Variants in CSMD1 observed in about 807,000 individuals in gnomAD.
CSMD1 encodes the protein CUB and sushi domain-containing protein 1.
CSMD1 carries 213 observed loss-of-function variants against 417.5 expected under a neutral mutation model. The observed-to-expected ratio is 0.51, with a 90% CI of 0.46 to 0.57. The LOEUF (loss-of-function observed/expected upper bound fraction) is 0.57, where lower values mean the gene tolerates loss of function less well. Among genes scored for constraint, CSMD1 ranks in the 20% least tolerant of loss-of-function variants. CSMD1 has a pLI of 0.00. For synonymous variants in CSMD1, 2,862 were observed against 1,736.8 expected (o/e 1.65, Z -16.11); for missense variants, 6,923 against 4,529.7 (o/e 1.53, Z -15.17).
intron 1 of CSMD1, among the ~76,000 whole-genome samples, chr8:4,765,464 C>T (rs1294075463): frequency 6.6e-6 from 1 of 152,138 alleles, no homozygotes. Context: ...AAATGCAGTT[C>T]AGTTCAAAAA....
At chr8:3,700,294 C>G (rs1016936385) in intron 7 of CSMD1, among the ~76,000 whole-genome samples, 1 of 152,096 alleles carries the variant, frequency 6.6e-6, no homozygotes, top group Non-Finnish European at 1.5e-5. Flanking sequence ...AGAAAATATA[C>G]CTGCCCTCAT....
In CSMD1 at chr8:3,277,115, G is replaced by A. The variant is rs954848415; in HGVS notation, c.4153+7029C>T. On this transcript the variant is annotated intron_variant, in intron 26 of 69. Coordinates refer to ENST00000635120, the MANE Select transcript of CSMD1 (RefSeq NM_033225.6). ...GGAACACACATCCAAGCTGAGAGAG[G>A]CTAGCATCTGAGTAGAGGTTTCTGT... Among the ~76,000 whole-genome samples, 4 of 152,194 alleles carry A rather than the reference G, an allele frequency of 2.6e-5. No individual in the cohort carries two copies. In the Middle Eastern group the frequency reaches 0.01, roughly 388 times the overall value.
intron 2 of CSMD1, among the ~76,000 whole-genome samples, chr8:4,455,560 C>G (rs1162729284): frequency 2.0e-5 from 3 of 152,052 alleles, no homozygotes; most frequent in African/African-American, 7.2e-5. Flanking sequence ...AGAATATGAC[C>G]TCCTGCTTGT....
At chr8:3,355,817 T>A (rs1173326285) in intron 21 of CSMD1, among the ~76,000 whole-genome samples, 1 of 152,104 alleles carries the variant, frequency 6.6e-6, no homozygotes, top group African/African-American at 2.4e-5. Flanking sequence ...GTGGGCAACT[T>A]TTTCTCTAAT....
intron 12 of CSMD1, among the ~76,000 whole-genome samples, chr8:3,426,654 T>G (rs1012754204): frequency 6.6e-6 from 1 of 152,206 alleles, no homozygotes; most frequent in African/African-American, 2.4e-5. Context: ...ATTAACTTTT[T>G]AAAAACTTGT....
At chr8:3,741,569 G>T (rs993680657) in intron 6 of CSMD1, among the ~76,000 whole-genome samples, 1 of 152,028 alleles carries the variant, frequency 6.6e-6, no homozygotes, top group Non-Finnish European at 1.5e-5. Flanking sequence ...TGCATTTTTT[G>T]ACTTCAAGAT....
At chr8:3,840,568 C>A (rs4266669) in intron 5 of CSMD1, among the ~76,000 whole-genome samples, 100 of 151,950 alleles carry the variant, frequency 6.6e-4, no homozygotes, top group African/African-American at 2.3e-3. Context: ...AGCATGCCTC[C>A]TTATTTCAAG....
chr8:4,942,535 T>C (rs1808077943), intron 1 of CSMD1, among the ~76,000 whole-genome samples: 2 of 152,260 alleles, frequency 1.3e-5, no homozygotes, highest in Admixed American at 6.5e-5. Context: ...CTCTATTAAA[T>C]AATGTACAGA....
chr8:3,546,708 G>T (rs1190501177), intron 10 of CSMD1, among the ~76,000 whole-genome samples: 1 of 152,182 alleles, frequency 6.6e-6, no homozygotes, highest in African/African-American at 2.4e-5. Flanking sequence ...TTCAATCAAT[G>T]TAGGAATTAC....
intron 5 of CSMD1, among the ~76,000 whole-genome samples, chr8:3,962,203 T>G (rs912207759): frequency 6.6e-6 from 1 of 152,138 alleles, no homozygotes; most frequent in African/African-American, 2.4e-5. Flanking sequence ...CATTCCAGAA[T>G]GGGATTGTTT....
intron 5 of CSMD1, among the ~76,000 whole-genome samples, chr8:3,777,113 T>C (rs1252782616): frequency 1.1e-5 from 1 of 90,074 alleles, no homozygotes; most frequent in Non-Finnish European, 2.2e-5. Flanking sequence ...ATATTAGCTA[T>C]CTATACCTAC....
chr8:3,856,832 G>C lies in CSMD1; in HGVS notation c.819-102790C>G, dbSNP rs150053069. ...CTCAGGCTGGGGCCCAAAGTTAACAGAACAGGCAACTGAGCCACAGCAGAT... is the reference window on the plus strand; with the variant it reads ...CTCAGGCTGGGGCCCAAAGTTAACACAACAGGCAACTGAGCCACAGCAGAT... On this transcript the variant is annotated intron_variant, in intron 5 of 69. Transcript: ENST00000635120. Among the ~76,000 whole-genome samples, 803 of 152,216 alleles carry C rather than the reference G, an allele frequency of 5.3e-3. 29 individuals are homozygous for C. Among genetic ancestry groups the C allele is most frequent in the Admixed American group, 0.047 (724 of 15,278 alleles).
In CSMD1 at chr8:3,234,822, G is replaced by A. The variant is rs568117917; in HGVS notation, c.4154-4591C>T. ...AATTGGCCATCATCTTGGTACCAAA[G>A]GGGTACCCTTCCTGAACCAGCATTT... is the stretch of plus-strand genomic sequence containing the variant. On this transcript the variant is annotated intron_variant, in intron 26 of 69. Transcript: ENST00000635120. 1.1e-3 allele frequency among the ~76,000 whole-genome samples: 175 copies of A among 152,292 alleles called. 3 individuals carry two copies. Among genetic ancestry groups the A allele is most frequent in the Non-Finnish European group, 2.4e-4 (16 of 68,024 alleles).
chr8:3,031,234 T>C (rs1810320305), intron 50 of CSMD1, among the ~76,000 whole-genome samples: 1 of 147,750 alleles, frequency 6.8e-6, no homozygotes. Context: ...ATGCACCGCA[T>C]GTTCTCACTC....
At chr8:3,738,854 T>C (rs1479143791) in intron 6 of CSMD1, among the ~76,000 whole-genome samples, 1 of 152,184 alleles carries the variant, frequency 6.6e-6, no homozygotes, top group Non-Finnish European at 1.5e-5. Context: ...CATCAATAAA[T>C]GTTACTTATT....
intron 5 of CSMD1, among the ~76,000 whole-genome samples, chr8:3,987,647 A>G (rs1033469362): frequency 9.2e-5 from 14 of 152,184 alleles, no homozygotes; most frequent in African/African-American, 3.4e-4. Context: ...CTTTGCTGAT[A>G]AAGCAGAAGA....
chr8:3,798,385 G>T (rs1054623749), intron 5 of CSMD1, among the ~76,000 whole-genome samples: 3 of 151,814 alleles, frequency 2.0e-5, no homozygotes, highest in African/African-American at 7.3e-5. Flanking sequence ...TTTTTAATTG[G>T]GTCTCTTATA....
At chr8:4,717,310 C>CCAT (rs1808719060) in intron 1 of CSMD1, among the ~76,000 whole-genome samples, 1 of 137,132 alleles carries the variant, frequency 7.3e-6, no homozygotes, top group South Asian at 2.2e-4. Flanking sequence ...TCTCTCTCTC[C>CCAT]ATATATATAT....
At chr8:3,447,714 C>A (rs1312904868) in intron 12 of CSMD1, among the ~76,000 whole-genome samples, 2 of 152,168 alleles carry the variant, frequency 1.3e-5, no homozygotes, top group Non-Finnish European at 2.9e-5. Context: ...TGCTTCAGCC[C>A]TGTTGCAGGG....
Sources: gnomAD v4.1 joint callset for allele counts (sites outside exome capture counted in the v4.1 genomes callset) on GRCh38, gnomAD v4.1.1 for gene constraint, MANE v1.5 for transcripts, NCBI Gene and HGNC (gene_info 2026-07-23, HGNC 2026-07-21) for gene names.